Variants in PTBP3 observed in about 807,000 individuals in gnomAD.
PTBP3 encodes polypyrimidine tract binding protein 3.
In PTBP3, 20 loss-of-function variants were observed where a neutral mutation model predicts 58.7. The ratio of observed to expected loss-of-function variants is 0.34; its 90% CI spans 0.24 to 0.50. PTBP3 has a LOEUF of 0.50. PTBP3 is among the 20% of genes least tolerant of loss of function. The probability of loss-of-function intolerance (pLI) is 0.98; values close to 1 mark genes in which losing one functional copy is unlikely to be tolerated. For missense variants in PTBP3, 509 were observed against 637.2 expected (o/e 0.80, Z 2.17); for synonymous variants, 185 against 219.8 (o/e 0.84, Z 1.40).
chr9:112,236,244 T>C (rs117409870), intron 7 of PTBP3, among the ~76,000 whole-genome samples: 7,454 of 152,180 alleles, frequency 0.049, 239 homozygotes, highest in Middle Eastern at 0.075. Flanking sequence ...GCACAGAGAA[T>C]TGACACTGAG....
chr9:112,297,979 A>G, intron 1 of PTBP3, 63 bp from the exon 2 acceptor site: 3 of 1,274,432 alleles, frequency 2.4e-6, no homozygotes, highest in South Asian at 2.5e-5. Context: ...CATATTTACT[A>G]AAAGTATTAA....
chr9:112,376,156 G>GATAGATATAT, the PTBP3 span, among the ~76,000 whole-genome samples: 1 of 116,798 alleles, frequency 8.6e-6, no homozygotes, highest in Admixed American at 8.5e-5. Flanking sequence ...TTCTCTAGAG[G>GATAGATATAT]ATATATATAT....
chr9:112,271,440 G>C (rs1461319352), intron 3 of PTBP3, among the ~76,000 whole-genome samples: 1 of 152,154 alleles, frequency 6.6e-6, no homozygotes, highest in Non-Finnish European at 1.5e-5. Flanking sequence ...ATAAAATAAA[G>C]ACAGGCGTAG....
the PTBP3 span, among the ~76,000 whole-genome samples, chr9:112,360,462 A>G: frequency 1.3e-5 from 2 of 152,194 alleles, no homozygotes; most frequent in Non-Finnish European, 2.9e-5. Context: ...TTACGATTAC[A>G]GGCATGAGGT....
chr9:112,297,907 C>T lies in PTBP3; in HGVS notation c.-42G>A, dbSNP rs758330900. 1 of 1,611,472 alleles carries T rather than the reference C, an allele frequency of 6.2e-7. No homozygotes were observed. Among genetic ancestry groups the T allele is most frequent in the African/African-American group, 1.3e-5 (1 of 74,698 alleles). ...ATGATGCCAGAAGAAAGAAGCTCAT[C>T]AGATCCCCGCTGAAAAGCAAAACCA... On this transcript the variant is annotated 5_prime_UTR_variant, in exon 2 of 14. It removes the in-frame stop codon of an upstream open reading frame in the 5' UTR. Transcript: ENST00000374257.
chr9:112,302,928 T>C (rs892731456), intron 1 of PTBP3, among the ~76,000 whole-genome samples: 7 of 152,176 alleles, frequency 4.6e-5, no homozygotes, highest in Non-Finnish European at 8.8e-5. Flanking sequence ...CCATTTCAGT[T>C]TCAATTTGGG....
chr9:112,335,604 T>C (rs1214829596), upstream of PTBP3, among the ~76,000 whole-genome samples: 6 of 38,844 alleles, frequency 1.5e-4, no homozygotes, highest in East Asian at 1.5e-3. Context: ...TTTTTCTTTT[T>C]TTTTTTTTTT....
At chr9:112,240,538 T>A (rs7041663) in intron 7 of PTBP3, among the ~76,000 whole-genome samples, 84,016 of 151,336 alleles carry the variant, frequency 0.56, 24,991 homozygotes, top group African/African-American at 0.79. Flanking sequence ...CAGTATATAA[T>A]ACTTGATAAT....
chr9:112,342,642 G>A, the PTBP3 span, among the ~76,000 whole-genome samples: 16 of 152,180 alleles, frequency 1.1e-4, no homozygotes, highest in Admixed American at 9.8e-4. Context: ...CTTGAACCCA[G>A]GAGGCAGAGG....
intron 12 of PTBP3, 44 bp downstream of exon 12, chr9:112,227,367 G>T (rs768535592): frequency 6.3e-7 from 1 of 1,577,966 alleles, no homozygotes; most frequent in South Asian, 1.1e-5. Flanking sequence ...ACATATTGTA[G>T]ATTATTCATC....
chr9:112,300,596 C>T (rs1173366519), intron 1 of PTBP3, among the ~76,000 whole-genome samples: 1 of 151,682 alleles, frequency 6.6e-6, no homozygotes, highest in Non-Finnish European at 1.5e-5. Context: ...ACTAAAAATA[C>T]AAAAAATCAG....
At chr9:112,354,545 A>T in the PTBP3 span, among the ~76,000 whole-genome samples, 2 of 152,238 alleles carry the variant, frequency 1.3e-5, no homozygotes, top group African/African-American at 4.8e-5. Flanking sequence ...TCAGAGGATA[A>T]TAAGTCCTCA....
the PTBP3 span, among the ~76,000 whole-genome samples, chr9:112,354,282 C>T: frequency 6.6e-6 from 1 of 152,184 alleles, no homozygotes. Context: ...GGTTACCAAA[C>T]AACTGGGTGA....
At chr9:112,285,581 T>G (rs1001501877) in intron 2 of PTBP3, among the ~76,000 whole-genome samples, 3 of 152,196 alleles carry the variant, frequency 2.0e-5, no homozygotes, top group Admixed American at 6.5e-5. Context: ...ATTTCAGACG[T>G]TGTGGGTCAC....
chr9:112,231,646 G>A (rs552885713), intron 9 of PTBP3, among the ~76,000 whole-genome samples: 2 of 151,952 alleles, frequency 1.3e-5, no homozygotes, highest in Non-Finnish European at 2.9e-5. Flanking sequence ...GCTCACACCT[G>A]TAATCCCAGC....
At chr9:112,234,502 T>C (rs1835367661) in intron 8 of PTBP3, among the ~76,000 whole-genome samples, 1 of 152,226 alleles carries the variant, frequency 6.6e-6, no homozygotes, top group East Asian at 1.9e-4. Flanking sequence ...ACAGAGCAGC[T>C]TATACATTTT....
At chr9:112,311,297 T>C (rs1381537302) in intron 1 of PTBP3, among the ~76,000 whole-genome samples, 1 of 152,176 alleles carries the variant, frequency 6.6e-6, no homozygotes, top group Non-Finnish European at 1.5e-5. Context: ...AAAAACTGCA[T>C]CTGTATAAAC....
intron 1 of PTBP3, among the ~76,000 whole-genome samples, chr9:112,317,734 G>C (rs1422070343): frequency 6.6e-6 from 1 of 152,104 alleles, no homozygotes; most frequent in Non-Finnish European, 1.5e-5. Flanking sequence ...GGATCACGAG[G>C]TCAGGAGTTT....
chr9:112,337,269 A>T (rs939562804), upstream of PTBP3, among the ~76,000 whole-genome samples: 4 of 152,160 alleles, frequency 2.6e-5, no homozygotes, highest in African/African-American at 9.6e-5. Context: ...GCCTCAAGTG[A>T]TCTGCTTGCC....
Sources: gnomAD v4.1 joint callset for allele counts (sites outside exome capture counted in the v4.1 genomes callset) on GRCh38, gnomAD v4.1.1 for gene constraint, MANE v1.5 for transcripts, NCBI Gene and HGNC (gene_info 2026-07-23, HGNC 2026-07-21) for gene names.